Variants in GOSR1 observed in about 807,000 individuals in gnomAD.
GOSR1 encodes 28 kDa Golgi SNARE protein.
GOSR1 carries 21 observed loss-of-function variants against 35.5 expected under a neutral mutation model. That is an observed-to-expected ratio of 0.59 (90% CI 0.42 to 0.85). GOSR1 has a LOEUF of 0.85. Ranked by LOEUF, GOSR1 falls within the 40% of genes least tolerant of loss-of-function variation. The pLI, the probability that GOSR1 is intolerant of heterozygous loss-of-function variation, is 0.00. For missense variants in GOSR1, 285 were observed against 309.6 expected (o/e 0.92, Z 0.60); for synonymous variants, 94 against 106.6 (o/e 0.88, Z 0.73).
intron 1 of GOSR1, chr17:30,479,228 G>C (rs942489614): frequency 2.7e-4 from 41 of 152,226 alleles, no homozygotes; most frequent in African/African-American, 9.9e-4. Flanking sequence ...TTTTGAAAGA[G>C]AGATTCTTAT....
chr17:30,522,276 C>A lies in GOSR1; in HGVS notation c.645C>A (p.Ser215Arg). 1.2e-6 allele frequency: 2 copies of A among 1,607,308 alleles called. No homozygotes were observed. Among genetic ancestry groups the A allele is most frequent in the East Asian group, 2.2e-5 (1 of 44,676 alleles). Reference sequence around the variant, plus strand: ...AAGATCGTTTTCCTGCTGTAAACAGCCTGATCCAGAGGATCAACCTGAGGA... The same window carrying A: ...AAGATCGTTTTCCTGCTGTAAACAGACTGATCCAGAGGATCAACCTGAGGA... ...TLANRFPAVN[S>R]LIQRINLRKR... The change falls in exon 9 of 9, where the codon AGC becomes AGA. Residue 215 changes from serine to arginine, a missense_variant. Ser to Arg is a moderately radical substitution (Grantham distance 110). This residue lies in a region of GOSR1 where 168 missense variants were observed against 183.2 expected (regional missense o/e 0.92). Transcript: ENST00000451249.
chr17:30,506,593 G>T (rs1967410856), intron 6 of GOSR1, among the ~76,000 whole-genome samples: 1 of 152,244 alleles, frequency 6.6e-6, no homozygotes, highest in Non-Finnish European at 1.5e-5. Context: ...CAAGGTTGAA[G>T]CAGGAAGTGC....
rs534582522 is a variant in GOSR1 at position 30,484,774 on chromosome 17, A to T, written c.342+4A>T. On this transcript the variant is annotated splice_donor_region_variant and intron_variant, in intron 4 of 8. Transcript: ENST00000451249. ...GCGGCATAGAGACATATTGCAGGTA[A>T]TATATTGGGCTCGAGATGTTTTCAT... 13 of 1,458,096 alleles carry T rather than the reference A, an allele frequency of 8.9e-6. No homozygotes were observed. The highest frequency in any genetic ancestry group is 1.3e-5 in the Non-Finnish European group (13 of 1,037,996). The allele number at this position is 1,458,096 out of a possible 1,614,324, so 90.3% of individuals were successfully genotyped here. A position where few individuals can be genotyped will look rare whatever the true frequency, so the allele number is the denominator to read the frequency against.
intron 7 of GOSR1, among the ~76,000 whole-genome samples, chr17:30,512,098 A>G (rs551386230): frequency 6.6e-6 from 1 of 152,320 alleles, no homozygotes; most frequent in African/African-American, 2.4e-5. Context: ...GAAAGAATAC[A>G]AGGTTTTGGG....
intron 6 of GOSR1, among the ~76,000 whole-genome samples, chr17:30,497,539 A>G (rs374520646): frequency 2.0e-5 from 3 of 152,334 alleles, no homozygotes; most frequent in South Asian, 4.1e-4. Flanking sequence ...ATGAGAGAGG[A>G]TGTATGTAAA....
chr17:30,499,560 C>A (rs1212565079), intron 6 of GOSR1, among the ~76,000 whole-genome samples: 7 of 152,154 alleles, frequency 4.6e-5, no homozygotes, highest in Admixed American at 1.3e-4. Context: ...CCAGGATGGT[C>A]TTGATCTCCT....
intron 2 of GOSR1, among the ~76,000 whole-genome samples, chr17:30,481,896 G>A (rs1446421900): frequency 2.0e-5 from 3 of 152,072 alleles, no homozygotes; most frequent in South Asian, 2.1e-4. Context: ...TTAGGAGGTT[G>A]AGGCGGATGG....
chr17:30,487,770 C>CT (rs889014927), intron 4 of GOSR1, among the ~76,000 whole-genome samples: 98 of 146,496 alleles, frequency 6.7e-4, no homozygotes, highest in Middle Eastern at 3.5e-3. Flanking sequence ...TCCAGTTATT[C>CT]TTTTTTTTTT....
chr17:30,511,083 C>T (rs533088794), intron 7 of GOSR1, among the ~76,000 whole-genome samples, 174 bp downstream of exon 7: 4 of 152,162 alleles, frequency 2.6e-5, no homozygotes, highest in South Asian at 2.1e-4. Context: ...TTACAAGAGA[C>T]GTTTGACACC....
At chr17:30,491,228 A>G (rs1043134151) in intron 5 of GOSR1, among the ~76,000 whole-genome samples, 2 of 152,188 alleles carry the variant, frequency 1.3e-5, no homozygotes, top group Non-Finnish European at 2.9e-5. Context: ...GAGCCCCCCC[A>G]TAATTTGTGG....
intron 8 of GOSR1, among the ~76,000 whole-genome samples, chr17:30,521,170 T>C (rs1390013252): frequency 2.4e-5 from 3 of 124,586 alleles, no homozygotes; most frequent in African/African-American, 3.5e-5. Context: ...TCTCTCTCTT[T>C]TTTTTTTTTT....
intron 2 of GOSR1, chr17:30,483,174 C>G (rs1197566065): frequency 1.4e-5 from 2 of 145,860 alleles, no homozygotes; most frequent in Admixed American, 6.9e-5. Context: ...ACTTCAAGGT[C>G]TATGAATCAT....
intron 5 of GOSR1, 121 bp from the exon 6 acceptor site, chr17:30,492,558 T>G (rs1597772506): frequency 1.6e-6 from 1 of 621,318 alleles, no homozygotes; most frequent in Non-Finnish European, 2.9e-6. Flanking sequence ...TTATGTACTT[T>G]CATTGTTCAT....
chr17:30,481,336 C>T, intron 2 of GOSR1, 79 bp downstream of exon 2: 1 of 1,055,458 alleles, frequency 9.5e-7, no homozygotes, highest in East Asian at 2.5e-5. Context: ...AAATATATAA[C>T]TTCTGTAAGT....
At chr17:30,520,930 C>T (rs1968006954) in intron 8 of GOSR1, among the ~76,000 whole-genome samples, 1 of 152,144 alleles carries the variant, frequency 6.6e-6, no homozygotes, top group South Asian at 2.1e-4. Flanking sequence ...CTGTTATATA[C>T]ATTATCTCAT....
chr17:30,519,427 A>G (rs1967943751), intron 7 of GOSR1, among the ~76,000 whole-genome samples: 1 of 152,186 alleles, frequency 6.6e-6, no homozygotes, highest in South Asian at 2.1e-4. Flanking sequence ...TGTTGCATGC[A>G]TGCCTAGTTG....
At chr17:30,485,481 C>A (rs944933327) in intron 4 of GOSR1, among the ~76,000 whole-genome samples, 7 of 152,066 alleles carry the variant, frequency 4.6e-5, no homozygotes, top group African/African-American at 1.7e-4. Flanking sequence ...GTTTCCCAGG[C>A]TGGTCTCTAA....
intron 7 of GOSR1, among the ~76,000 whole-genome samples, chr17:30,511,615 C>T (rs568909283): frequency 4.6e-5 from 7 of 151,872 alleles, no homozygotes; most frequent in Non-Finnish European, 7.4e-5. Context: ...CTGCAACCTC[C>T]GCCTCCTGGG....
At chr17:30,509,076 A>G (rs137886874) in intron 6 of GOSR1, among the ~76,000 whole-genome samples, 1,723 of 152,132 alleles carry the variant, frequency 0.011, 35 homozygotes, top group African/African-American at 0.039. Context: ...CCTGGGTTCA[A>G]GCGATTCTCC....
Sources: allele counts gnomAD v4.1 joint callset (sites outside exome capture counted in the v4.1 genomes callset), GRCh38; gene constraint gnomAD v4.1.1; regional missense constraint gnomAD v4.1.1; transcripts MANE v1.5; gene names NCBI Gene and HGNC (gene_info 2026-07-23, HGNC 2026-07-21).